DSCAM: variants seen among roughly 807,000 people sequenced by gnomAD.
DSCAM encodes the protein DS cell adhesion molecule.
A neutral mutation model predicts 217.7 loss-of-function variants in DSCAM; 47 were observed. The observed-to-expected ratio is 0.22, with a 90% CI of 0.17 to 0.28. The LOEUF is 0.28. Among genes scored for constraint, DSCAM ranks in the 10% least tolerant of loss-of-function variants. DSCAM has a pLI of 1.00. For synonymous variants in DSCAM, 1,056 were observed against 1,015.3 expected (o/e 1.04, Z -0.76); for missense variants, 2,080 against 2,618.3 (o/e 0.79, Z 4.49).
intron 3 of DSCAM, among the ~76,000 whole-genome samples, chr21:40,529,473 T>C (rs62225547): frequency 0.27 from 41,639 of 151,950 alleles, 7,136 homozygotes; most frequent in African/African-American, 0.47. Context: ...CCTTACAATG[T>C]GTTTCAAAAG....
chr21:40,401,309 G>T (rs1388297637), intron 3 of DSCAM, among the ~76,000 whole-genome samples: 1 of 152,090 alleles, frequency 6.6e-6, no homozygotes, highest in Non-Finnish European at 1.5e-5. Context: ...CCTCACAGAG[G>T]CTATTAAAAA....
At chr21:40,787,928 G>C (rs2091608217) in intron 1 of DSCAM, among the ~76,000 whole-genome samples, 1 of 152,130 alleles carries the variant, frequency 6.6e-6, no homozygotes, top group Non-Finnish European at 1.5e-5. Context: ...TAGTAAAAGA[G>C]ACCACAGAAA....
At chr21:40,214,735 C>CAAAAAAAAA (rs1209648217) in intron 11 of DSCAM, among the ~76,000 whole-genome samples, 12 of 67,776 alleles carry the variant, frequency 1.8e-4, no homozygotes, top group South Asian at 5.8e-4. Context: ...GCAACAACAG[C>CAAAAAAAAA]AAAAAAAAAA....
chr21:40,794,542 G>GAAAAA (rs35301932), intron 1 of DSCAM, among the ~76,000 whole-genome samples: 2 of 138,266 alleles, frequency 1.4e-5, no homozygotes, highest in Non-Finnish European at 3.1e-5. Context: ...AGTCAAATTG[G>GAAAAA]AAAAAAAAAA....
chr21:40,060,384 G>T (rs1240658354), intron 28 of DSCAM, among the ~76,000 whole-genome samples: 2 of 152,236 alleles, frequency 1.3e-5, no homozygotes, highest in Non-Finnish European at 2.9e-5. Flanking sequence ...TTGAGCAAAT[G>T]TTGAACATGT....
chr21:40,141,143 C>T (rs960477639), intron 18 of DSCAM, among the ~76,000 whole-genome samples: 1 of 152,186 alleles, frequency 6.6e-6, no homozygotes, highest in Non-Finnish European at 1.5e-5. Flanking sequence ...TACTGTTGCA[C>T]CAACCGTGGA....
Position 40,078,909 on chromosome 21 carries a change from T to C in DSCAM, c.4489A>G (p.Ile1497Val). 2 of 1,614,202 alleles carry C rather than the reference T, an allele frequency of 1.2e-6. No homozygotes were observed. The highest frequency in any genetic ancestry group is 1.7e-6 in the Non-Finnish European group (2 of 1,180,040). Residue 1497 changes from isoleucine (I) to valine (V), a missense_variant, in exon 26 of 33, where the codon ATT (isoleucine) becomes GTT (valine). By Grantham distance (29) the Ile-to-Val change is conservative. Around this residue, in one of 5 missense-constraint regions of DSCAM, gnomAD observed 1,144 missense variants for 1,421.1 expected, o/e 0.81. Coordinates refer to ENST00000400454, the MANE Select transcript of DSCAM (RefSeq NM_001389.5). ...INTTRVRLNL[I>V]GWNDGGCPIT... is the part of the protein sequence containing the mutation. Reference sequence around the variant, plus strand: ...GGGCAGCCGCCATCATTCCAGCCAATGAGGTTCAGCCTCACGCGTGTGGTG... The same window carrying C: ...GGGCAGCCGCCATCATTCCAGCCAACGAGGTTCAGCCTCACGCGTGTGGTG...
At chr21:40,090,369 G>A (rs949738713) in intron 21 of DSCAM, among the ~76,000 whole-genome samples, 1 of 151,978 alleles carries the variant, frequency 6.6e-6, no homozygotes, top group African/African-American at 2.4e-5. Context: ...TTGAAGGAAT[G>A]TTCTGCCCAG....
chr21:40,051,105 T>A (rs1311672337), intron 30 of DSCAM, among the ~76,000 whole-genome samples: 1 of 152,208 alleles, frequency 6.6e-6, no homozygotes, highest in East Asian at 1.9e-4. Context: ...ATTATAATAG[T>A]TATTTTTCTA....
chr21:40,574,030 C>G (rs1333677118), intron 3 of DSCAM, among the ~76,000 whole-genome samples: 2 of 152,004 alleles, frequency 1.3e-5, no homozygotes, highest in Non-Finnish European at 2.9e-5. Context: ...AGAAAAAACT[C>G]CTGACTAGAT....
chr21:40,397,749 C>A (rs1298203389), intron 3 of DSCAM, among the ~76,000 whole-genome samples: 8 of 151,924 alleles, frequency 5.3e-5, no homozygotes, highest in Admixed American at 3.9e-4. Flanking sequence ...ACCACTATTA[C>A]CACTACTGCT....
chr21:40,621,162 A>G (rs1427987851), intron 3 of DSCAM: 1 of 152,218 alleles, frequency 6.6e-6, no homozygotes, highest in Non-Finnish European at 1.5e-5. Flanking sequence ...GACTCTAAGC[A>G]TATGTTCAAA....
chr21:40,483,297 T>A (rs1440041918), intron 3 of DSCAM, among the ~76,000 whole-genome samples: 1 of 152,246 alleles, frequency 6.6e-6, no homozygotes, highest in Non-Finnish European at 1.5e-5. Flanking sequence ...TCATGTCGAA[T>A]CTATTTGAAT....
At chr21:40,579,569 C>T (rs756964639) in intron 3 of DSCAM, among the ~76,000 whole-genome samples, 8 of 152,028 alleles carry the variant, frequency 5.3e-5, no homozygotes, top group Non-Finnish European at 1.0e-4. Flanking sequence ...ACAAGCCAAG[C>T]AGGAAAGAAA....
At position 40,248,818 on chromosome 21, in the gene DSCAM, A is replaced by G. The variant is rs190229772; in HGVS notation, c.2356+27279T>C. Among the ~76,000 whole-genome samples, 91 of 152,302 alleles carry G rather than the reference A, an allele frequency of 6.0e-4. 2 individuals carry two copies. In the East Asian group the frequency reaches 0.016, roughly 27 times the overall value. ...CACTGCTGATGAAGACATACCTGAG[A>G]CTGGGAAGAAAAAGAGGTTGGATTG... On this transcript the variant is annotated intron_variant, in intron 11 of 32. Transcript: ENST00000400454.
chr21:40,022,916 T>C (rs144865546), intron 32 of DSCAM, among the ~76,000 whole-genome samples: 3,510 of 152,118 alleles, frequency 0.023, 133 homozygotes, highest in African/African-American at 0.08. Flanking sequence ...TACATGTGCA[T>C]ATTGTGCAGG....
At chr21:40,771,863 C>T (rs192843687) in intron 1 of DSCAM, among the ~76,000 whole-genome samples, 186 of 152,264 alleles carry the variant, frequency 1.2e-3, no homozygotes, top group Non-Finnish European at 2.2e-3. Context: ...TTTACACGCA[C>T]ATTTTATTTT....
chr21:40,593,884 C>T lies in DSCAM; in HGVS notation c.508+98926G>A, dbSNP rs111492513. On this transcript the variant is annotated intron_variant, in intron 3 of 32. Coordinates refer to ENST00000400454, the MANE Select transcript of DSCAM (RefSeq NM_001389.5). ...ATAGCTGCTAACATTTGCTACCTAT[C>T]TACAGATGTTTTCCGCTAAATCTCA... Among the ~76,000 whole-genome samples, 297 of 152,316 alleles carry T rather than the reference C, an allele frequency of 1.9e-3. 2 individuals are homozygous for T. The highest frequency in any genetic ancestry group is 2.1e-3 in the Non-Finnish European group (145 of 68,030).
chr21:40,714,587 T>C (rs2090821052), intron 1 of DSCAM, among the ~76,000 whole-genome samples: 1 of 152,218 alleles, frequency 6.6e-6, no homozygotes, highest in Admixed American at 6.5e-5. Context: ...GGAATGTCCA[T>C]CCTGTTCCTG....
Sources: allele counts gnomAD v4.1 joint callset (sites outside exome capture counted in the v4.1 genomes callset), GRCh38; gene constraint gnomAD v4.1.1; regional missense constraint gnomAD v4.1.1; transcripts MANE v1.5; gene names NCBI Gene and HGNC (gene_info 2026-07-23, HGNC 2026-07-21).